KAT6B: variants seen among roughly 807,000 people sequenced by gnomAD.
The protein encoded by KAT6B is histone acetyltransferase KAT6B.
A neutral mutation model predicts 187.5 loss-of-function variants in KAT6B; 10 were observed. The observed-to-expected ratio is 0.05, with a 90% CI of 0.03 to 0.09. The LOEUF (loss-of-function observed/expected upper bound fraction) is 0.09. Among genes scored for constraint, KAT6B ranks in the 10% least tolerant of loss-of-function variants. KAT6B has a pLI of 1.00. For missense variants in KAT6B, 1,952 were observed against 2,558.9 expected, an observed-to-expected ratio of 0.76 and a Z score of 5.12; for synonymous variants, 861 against 926.8, an observed-to-expected ratio of 0.93 and a Z score of 1.29.
chr10:74,980,332 CA>C (rs1321112641), intron 10 of KAT6B, among the ~76,000 whole-genome samples: 3 of 152,154 alleles, frequency 2.0e-5, no homozygotes, highest in Non-Finnish European at 4.4e-5. Context: ...TTTTAGTCTG[CA>C]AAGTTTTCAG....
At chr10:74,838,376 T>C (rs1841474439) in intron 1 of KAT6B, among the ~76,000 whole-genome samples, 1 of 152,200 alleles carries the variant, frequency 6.6e-6, no homozygotes, top group African/African-American at 2.4e-5. Flanking sequence ...GTTTTGTTTT[T>C]CCATGATGAG....
At chr10:74,869,921 G>T (rs142949674) in intron 3 of KAT6B, among the ~76,000 whole-genome samples, 2 of 152,266 alleles carry the variant, frequency 1.3e-5, no homozygotes, top group East Asian at 3.9e-4. Context: ...GGCATCTGTG[G>T]TGATCAGGAG....
chr10:74,849,629 A>T (rs1055070060), intron 3 of KAT6B, among the ~76,000 whole-genome samples: 84 of 152,216 alleles, frequency 5.5e-4, no homozygotes, highest in African/African-American at 2.0e-3. Context: ...TATTCTGGTT[A>T]CTTTTTTGAG....
intron 13 of KAT6B, among the ~76,000 whole-genome samples, chr10:74,990,251 GCTT>G (rs1737790768): frequency 6.8e-6 from 1 of 146,862 alleles, no homozygotes; most frequent in African/African-American, 2.5e-5. Context: ...GGAACCAGGT[GCTT>G]CTTGATTACC....
In KAT6B at chr10:75,030,859, A is replaced by G. The variant is rs1846270369; in HGVS notation, c.6035A>G (p.Tyr2012Cys). ...AGTGGCTACCACAGCAATCATGGCT[A>G]TATGAATCAAACGCCCCAATACCCT... The part of the protein sequence containing the change: ...MNSGYHSNHG[Y>C]MNQTPQYPMQ... The change falls in exon 18 of 18, where the codon TAT becomes TGT. Residue 2012 changes from tyrosine to cysteine, a missense_variant. Coordinates refer to ENST00000287239, the MANE Select transcript of KAT6B (RefSeq NM_012330.4). This position sits in a 1 kb window ranked among gnomAD's most constrained non-coding sequence, Gnocchi z 4.8. 1 of 1,614,212 alleles carries G rather than the reference A, an allele frequency of 6.2e-7. No homozygotes were observed. Among genetic ancestry groups the G allele is most frequent in the Non-Finnish European group, 8.5e-7 (1 of 1,180,038 alleles).
intron 13 of KAT6B, among the ~76,000 whole-genome samples, chr10:75,017,412 G>A (rs1845058090): frequency 2.0e-5 from 3 of 151,878 alleles, no homozygotes; most frequent in South Asian, 2.1e-4. Flanking sequence ...TCAGGAGTTC[G>A]AGACCAGCCT....
At chr10:74,889,531 A>G (rs1845514564) in intron 3 of KAT6B, among the ~76,000 whole-genome samples, 1 of 152,174 alleles carries the variant, frequency 6.6e-6, no homozygotes, top group Admixed American at 6.5e-5. Context: ...GCATCTGTGT[A>G]AAGAGGTTGA....
At chr10:74,857,594 C>T (rs1428313992) in intron 3 of KAT6B, among the ~76,000 whole-genome samples, 1 of 152,194 alleles carries the variant, frequency 6.6e-6, no homozygotes, top group Non-Finnish European at 1.5e-5. Context: ...AGGAAGTAGA[C>T]ATTTTTGGGG....
At chr10:74,912,818 G>A (rs1847342141) in intron 3 of KAT6B, among the ~76,000 whole-genome samples, 1 of 152,174 alleles carries the variant, frequency 6.6e-6, no homozygotes, top group Non-Finnish European at 1.5e-5. Flanking sequence ...TGTAGATGTA[G>A]TGTTGTACCT....
At chr10:74,921,123 T>C (rs1261490195) in intron 3 of KAT6B, among the ~76,000 whole-genome samples, 1 of 148,748 alleles carries the variant, frequency 6.7e-6, no homozygotes, top group African/African-American at 2.5e-5. Flanking sequence ...TTTTTTTTTT[T>C]TTTTTTTTGA....
At chr10:74,984,987 A>G (rs1842727792) in intron 11 of KAT6B, 93 bp from the exon 12 acceptor site, 1 of 1,152,220 alleles carries the variant, frequency 8.7e-7, no homozygotes, top group Non-Finnish European at 1.3e-6. Context: ...TGGAAATAAA[A>G]TGATGTACTT....
Position 74,853,539 on chromosome 10 carries a change from A to G in KAT6B, c.621+10061A>G, listed in dbSNP as rs938547579. Among the ~76,000 whole-genome samples, 7 of 151,126 alleles carry G rather than the reference A, an allele frequency of 4.6e-5. No homozygotes were observed. The East Asian group carries it at 1.4e-3, about 29-fold the overall frequency. Reference sequence around the variant, plus strand: ...GAACGCCTGAGCTCAAGCAGTTCACACACCTCGGCCTCCCAAAGTACTGGG... The same window carrying G: ...GAACGCCTGAGCTCAAGCAGTTCACGCACCTCGGCCTCCCAAAGTACTGGG... On this transcript the variant is annotated intron_variant, in intron 3 of 17. Transcript: ENST00000287239.
At chr10:74,826,404 T>G (rs1840224166), upstream of KAT6B, among the ~76,000 whole-genome samples, 2 of 151,328 alleles carry the variant, frequency 1.3e-5, no homozygotes, top group African/African-American at 4.9e-5. Flanking sequence ...GGATGATGGG[T>G]CGAGGGGTGT....
chr10:74,866,795 CTT>C (rs1213237420), intron 3 of KAT6B, among the ~76,000 whole-genome samples: 2 of 152,138 alleles, frequency 1.3e-5, no homozygotes, highest in Non-Finnish European at 2.9e-5. Flanking sequence ...CAAAATGAGA[CTT>C]TCTTCTTGAC....
intron 3 of KAT6B, among the ~76,000 whole-genome samples, chr10:74,884,424 G>A (rs939318334): frequency 3.3e-5 from 5 of 152,186 alleles, no homozygotes; most frequent in African/African-American, 9.7e-5. Context: ...ATTGTGATGA[G>A]ACAAATCTAT....
At chr10:74,943,847 G>A (rs189611878) in intron 3 of KAT6B, among the ~76,000 whole-genome samples, 36 of 152,270 alleles carry the variant, frequency 2.4e-4, no homozygotes, top group African/African-American at 7.5e-4. Context: ...GGAAAGGCAA[G>A]CCACAAACTG....
chr10:74,826,365 A>T (rs1328543387), upstream of KAT6B, among the ~76,000 whole-genome samples: 1 of 150,532 alleles, frequency 6.6e-6, no homozygotes, highest in African/African-American at 2.5e-5. Flanking sequence ...TTGGCAGTGG[A>T]CCCTCCCCCG....
intron 3 of KAT6B, among the ~76,000 whole-genome samples, chr10:74,910,145 AAT>A (rs201570591): frequency 0.23 from 33,986 of 148,696 alleles, 7,286 homozygotes; most frequent in African/African-American, 0.58. Flanking sequence ...AAAAAAAAAA[AAT>A]ATTAGCCAGG....
intron 2 of KAT6B, among the ~76,000 whole-genome samples, chr10:74,839,746 C>G (rs923319406): frequency 6.6e-6 from 1 of 152,022 alleles, no homozygotes; most frequent in Non-Finnish European, 1.5e-5. Context: ...AAATTTTGCC[C>G]GAAACCATTT....
Sources: gnomAD v4.1 joint callset for allele counts (sites outside exome capture counted in the v4.1 genomes callset) on GRCh38, gnomAD v4.1.1 for gene constraint, Gnocchi (gnomAD v3.1) non-coding constraint, MANE v1.5 for transcripts, NCBI Gene and HGNC (gene_info 2026-07-23, HGNC 2026-07-21) for gene names.